The following HAUS1 variants were observed in gnomAD, a reference collection of about 807,000 sequenced individuals.
HAUS1 encodes HAUS augmin like complex subunit 1.
Under a neutral mutation model 38.6 loss-of-function variants are expected in HAUS1, and 25 were observed. That is an observed-to-expected ratio of 0.65 (90% CI 0.47 to 0.91). HAUS1 has a LOEUF of 0.91. HAUS1 is among the 40% of genes least tolerant of loss of function. The probability of loss-of-function intolerance (pLI) is 0.00; values close to 1 mark genes in which losing one functional copy is unlikely to be tolerated. For missense variants in HAUS1, 325 were observed against 328.4 expected (o/e 0.99, Z 0.08); for synonymous variants, 109 against 112.9 (o/e 0.97, Z 0.22).
intron 6 of HAUS1, among the ~76,000 whole-genome samples, chr18:46,124,135 C>CATAATAAATTT (rs1445125413): frequency 6.6e-6 from 1 of 152,126 alleles, no homozygotes; most frequent in Admixed American, 6.6e-5. Context: ...AAAGGCCAGG[C>CATAATAAATTT]ATGGTGGCTC....
chr18:46,128,081 A>G lies in HAUS1; in HGVS notation c.793A>G (p.Ile265Val). 6.3e-7 allele frequency: 1 copy of G among 1,580,492 alleles called. No homozygotes were observed. The highest frequency in any genetic ancestry group is 1.2e-5 in the South Asian group (1 of 85,630). The change falls in exon 9 of 9, where the codon ATT becomes GTT. Residue 265 changes from isoleucine (I) to valine (V), a missense_variant. Ile to Val is a conservative substitution (Grantham distance 29). Transcript: ENST00000282058. ...TATGTCTTTCTTCCTGTAGGATAGC[A>G]TTGAAGCTGAACTTACAAGAAGAGT... is the stretch of plus-strand genomic sequence containing the variant. ...IEEAKRELDS[I>V]EAELTRRVDM...
intron 2 of HAUS1, 64 bp from the exon 3 acceptor site, chr18:46,118,117 G>C (rs1911843052): frequency 2.0e-6 from 3 of 1,519,690 alleles, no homozygotes; most frequent in Admixed American, 3.4e-5. Context: ...ATTATGTCTT[G>C]ATAAAGCTGT....
chr18:46,122,106 T>C (rs1264531498), intron 4 of HAUS1, among the ~76,000 whole-genome samples: 1 of 152,136 alleles, frequency 6.6e-6, no homozygotes, highest in Non-Finnish European at 1.5e-5. Context: ...CCTCCCAAAA[T>C]GCTGGGATTA....
chr18:46,108,063 G>A (rs72903452), intron 2 of HAUS1, among the ~76,000 whole-genome samples: 11,154 of 152,046 alleles, frequency 0.073, 505 homozygotes, highest in African/African-American at 0.13. Flanking sequence ...TTCATTCTTC[G>A]TGCCACCTGT....
chr18:46,127,407 C>T (rs1912137876), intron 8 of HAUS1, among the ~76,000 whole-genome samples: 1 of 151,678 alleles, frequency 6.6e-6, no homozygotes, highest in African/African-American at 2.4e-5. Context: ...AGGACAGTGG[C>T]AATGAAAATG....
At chr18:46,125,853 A>G in intron 8 of HAUS1, 62 bp downstream of exon 8, 1 of 1,033,614 alleles carries the variant, frequency 9.7e-7, no homozygotes, top group Non-Finnish European at 1.5e-6. Context: ...TAATATAGCT[A>G]AAGTCTTCTT....
intron 4 of HAUS1, 61 bp from the exon 5 acceptor site, chr18:46,122,406 T>C (rs1599817225): frequency 1.9e-6 from 3 of 1,548,004 alleles, no homozygotes; most frequent in Non-Finnish European, 2.7e-6. Flanking sequence ...AGAGTTTCTA[T>C]TGTACAATAC....
At chr18:46,122,192 C>T (rs1475974828) in intron 4 of HAUS1, among the ~76,000 whole-genome samples, 2 of 151,884 alleles carry the variant, frequency 1.3e-5, no homozygotes, top group Admixed American at 1.3e-4. Context: ...GTGTCTGTAG[C>T]CCTGGCTATT....
Position 46,128,009 on chromosome 18 carries a change from A to T in HAUS1, c.787-66A>T, listed in dbSNP as rs1056440159. The T allele has an allele frequency of 2.3e-5, 21 of 925,738 alleles. No homozygotes were observed. In the South Asian group the frequency reaches 3.9e-4, roughly 17 times the overall value. 57.3% of individuals were successfully genotyped at this position (925,738 alleles called of 1,614,324 possible). On this transcript the variant is annotated intron_variant, in intron 8 of 8. Coordinates refer to ENST00000282058, the MANE Select transcript of HAUS1 (RefSeq NM_138443.4). ...CTTTTTTGCTTCCCTTATTTTAAAT[A>T]ACATTAAATAAAAGTTAGAGCATCT...
intron 2 of HAUS1, among the ~76,000 whole-genome samples, chr18:46,117,597 G>A (rs1911829267): frequency 6.6e-6 from 1 of 152,140 alleles, no homozygotes; most frequent in African/African-American, 2.4e-5. Flanking sequence ...GGGAGGCCAA[G>A]GCTGGCAGAT....
rs756067230 is a variant in HAUS1, at chr18:46,120,055, A to G, written c.471A>G (p.Leu157=). 2 of 1,591,088 alleles carry G rather than the reference A, an allele frequency of 1.3e-6. No individual in the cohort carries two copies. The change falls in exon 4 of 9, where the codon CTA becomes CTG. Residue 157 remains leucine (L), a synonymous_variant. Coordinates refer to ENST00000282058, the MANE Select transcript of HAUS1 (RefSeq NM_138443.4). ...CAACTTTAGTATTAGAAAAATGTCT[A>G]CAAGAGTAAGTAATTGAGTTCAGAG... is the stretch of plus-strand genomic sequence containing the variant. The part of the protein sequence containing the change: ...LTATLVLEKC[L]QEDVKKAELH...
At chr18:46,117,956 AT>A (rs764366777) in intron 2 of HAUS1, among the ~76,000 whole-genome samples, 26 of 152,096 alleles carry the variant, frequency 1.7e-4, no homozygotes, top group African/African-American at 6.0e-4. Flanking sequence ...AAAAAGAAAA[AT>A]AAAGAAAAAT....
rs576226431 is a variant in HAUS1, at chr18:46,106,377, G to A, written c.205+1009G>A. 3.3e-5 allele frequency among the ~76,000 whole-genome samples: 5 copies of A among 152,130 alleles called. No individual in the cohort carries two copies. In the South Asian group the frequency reaches 1.0e-3, roughly 32 times the overall value. On this transcript the variant is annotated intron_variant, in intron 2 of 8. Coordinates refer to ENST00000282058, the MANE Select transcript of HAUS1 (RefSeq NM_138443.4). ...CCAGCTGCTCGGAAGGCTGAGGCCG[G>A]AGAATGGCGTGATCCCAGGAGGCGG...
rs568096782 is a variant in HAUS1, at chr18:46,122,598, T to C, written c.600+8T>C. On this transcript the variant is annotated splice_region_variant and intron_variant, in intron 5 of 8. Transcript: ENST00000282058. Reference sequence around the variant, plus strand: ...GGAATCAAGGCTGCAGAGGTTTGTATGAAGGACCGAATATAGTTAGCTCTC... The same window carrying C: ...GGAATCAAGGCTGCAGAGGTTTGTACGAAGGACCGAATATAGTTAGCTCTC... 4.3e-6 allele frequency: 7 copies of C among 1,614,112 alleles called. No individual in the cohort carries two copies. The highest frequency in any genetic ancestry group is 2.7e-5 in the African/African-American group (2 of 75,064).
chr18:46,106,088 A>C (rs1331022124), intron 2 of HAUS1, among the ~76,000 whole-genome samples: 1 of 152,178 alleles, frequency 6.6e-6, no homozygotes, highest in Non-Finnish European at 1.5e-5. Flanking sequence ...GGTGGTGGCC[A>C]TGAAATGTGA....
chr18:46,125,441 C>G lies in HAUS1; in HGVS notation c.739-303C>G, dbSNP rs184989558. Among the ~76,000 whole-genome samples the G allele has an allele frequency of 1.9e-3, 292 of 151,256 alleles. 2 individuals are homozygous for G. Among genetic ancestry groups the G allele is most frequent in the African/African-American group, 6.8e-3 (281 of 41,264 alleles). On this transcript the variant is annotated intron_variant, in intron 7 of 8. Transcript: ENST00000282058. ...GTGGGCGCTTATAATCCCAGCTACT[C>G]AGGAGACAGGCAGGAGAATCGCTTG...
chr18:46,118,461 T>C, intron 3 of HAUS1, 145 bp downstream of exon 3: 1 of 681,076 alleles, frequency 1.5e-6, no homozygotes. Flanking sequence ...TGCCAGTGAG[T>C]ATAATTAATT....
chr18:46,112,976 TTATATATATAATATATATTCCA>T (rs1381802964), intron 2 of HAUS1, among the ~76,000 whole-genome samples: 2 of 66,868 alleles, frequency 3.0e-5, no homozygotes, highest in South Asian at 3.8e-4. Context: ...ATATTCCATA[TTATATATATAATATATATTCCA>T]TATATATGGA....
In HAUS1 at chr18:46,115,837, C is replaced by T. The variant is rs574569062; in HGVS notation, c.206-2344C>T. On this transcript the variant is annotated intron_variant, in intron 2 of 8. Transcript: ENST00000282058. Reference sequence around the variant, plus strand: ...ACCATCAAGAATATGAAAAGACAGGCTGGGCATTGTGGCTCACACCTATAA... The same window carrying T: ...ACCATCAAGAATATGAAAAGACAGGTTGGGCATTGTGGCTCACACCTATAA... 3.7e-3 allele frequency among the ~76,000 whole-genome samples: 561 copies of T among 152,206 alleles called. 5 individuals are homozygous for T. Among genetic ancestry groups the T allele is most frequent in the African/African-American group, 0.012 (513 of 41,546 alleles).
Sources: allele counts gnomAD v4.1 joint callset (sites outside exome capture counted in the v4.1 genomes callset), GRCh38; gene constraint gnomAD v4.1.1; transcripts MANE v1.5; gene names NCBI Gene and HGNC (gene_info 2026-07-23, HGNC 2026-07-21).